Variants in USP32 observed in about 807,000 individuals in gnomAD.
The protein encoded by USP32 is ubiquitin carboxyl-terminal hydrolase 32.
USP32 carries 59 observed loss-of-function variants against 204.8 expected under a neutral mutation model. The ratio of observed to expected loss-of-function variants is 0.29; its 90% confidence interval spans 0.23 to 0.36. The LOEUF is 0.36. USP32 is among the 10% of genes least tolerant of loss of function. The pLI is 1.00. For missense variants in USP32, 1,160 were observed against 1,946.4 expected, an observed-to-expected ratio of 0.60 and a Z score of 7.60; for synonymous variants, 517 against 678.4, an observed-to-expected ratio of 0.76 and a Z score of 3.70.
At chr17:60,272,085 G>A (rs2086736744) in intron 5 of USP32, among the ~76,000 whole-genome samples, 1 of 152,136 alleles carries the variant, frequency 6.6e-6, no homozygotes, top group African/African-American at 2.4e-5. Flanking sequence ...AAAGTGTTGG[G>A]ATTATAGGTG....
chr17:60,320,639 C>A lies in USP32; in HGVS notation c.187-18935G>T, dbSNP rs559068426. Among the ~76,000 whole-genome samples, 10 of 152,238 alleles carry A rather than the reference C, an allele frequency of 6.6e-5. No homozygotes were observed. The South Asian group carries it at 1.0e-3, about 16-fold the overall frequency. On this transcript the variant is annotated intron_variant, in intron 2 of 33. Coordinates refer to ENST00000300896, the MANE Select transcript of USP32 (RefSeq NM_032582.4). ...CCTGGCCAGAAATTGATGTTTTTTT[C>A]ATCAACATTATAATGAAAAACAACA...
intron 2 of USP32, among the ~76,000 whole-genome samples, chr17:60,308,128 A>G (rs997778059): frequency 3.3e-5 from 5 of 152,214 alleles, no homozygotes; most frequent in Admixed American, 6.5e-5. Flanking sequence ...TCTTGCACTC[A>G]TTCTCCAAGC....
chr17:60,392,337 A>C, upstream of USP32: 21 of 273,856 alleles, frequency 7.7e-5, no homozygotes, highest in East Asian at 2.5e-4. Flanking sequence ...CCCCAAGCTA[A>C]CCGCGCGCAG....
At chr17:60,294,627 C>T in intron 4 of USP32, 56 bp downstream of exon 4, 1 of 1,169,426 alleles carries the variant, frequency 8.6e-7, no homozygotes, top group Non-Finnish European at 1.2e-6. Context: ...TATTACACAA[C>T]TAAGAGTTAA....
intron 1 of USP32, among the ~76,000 whole-genome samples, chr17:60,413,616 AGCACTTTGG>A (rs1277623995): frequency 2.0e-5 from 3 of 152,156 alleles, no homozygotes; most frequent in African/African-American, 7.2e-5. Flanking sequence ...CTGTAATCCC[AGCACTTTGG>A]GAGGCCAAGG....
At chr17:60,228,500 TC>T (rs373364290) in intron 12 of USP32, among the ~76,000 whole-genome samples, 16,187 of 144,826 alleles carry the variant, frequency 0.11, 1,709 homozygotes, top group African/African-American at 0.3. Context: ...TTTTTCTTTT[TC>T]TTTTTTTTTT....
chr17:60,356,840 T>C (rs1226695329), intron 1 of USP32, among the ~76,000 whole-genome samples: 2 of 152,102 alleles, frequency 1.3e-5, no homozygotes, highest in Non-Finnish European at 2.9e-5. Flanking sequence ...AGTCCAGACA[T>C]TTGATTTACT....
rs143121616 is a variant in USP32 at position 60,409,397 on chromosome 17, T to G, written c.106+12849A>C. Among the ~76,000 whole-genome samples the G allele has an allele frequency of 2.2e-4, 34 of 152,264 alleles. No individual in the cohort carries two copies. In the East Asian group the frequency reaches 6.6e-3, roughly 29 times the overall value. Reference sequence around the variant, plus strand: ...AAAAACTAGTGCCACAGTATTGGCCTCTATGCACGTCGGGCAGTGAGCCCA... The same window carrying G: ...AAAAACTAGTGCCACAGTATTGGCCGCTATGCACGTCGGGCAGTGAGCCCA... On this transcript the variant is annotated intron_variant, in intron 1 of 3. Coordinates refer to the USP32 transcript ENST00000588898.
chr17:60,222,748 C>T (rs906042850), intron 14 of USP32, among the ~76,000 whole-genome samples, 199 bp from the exon 15 acceptor site: 3 of 143,382 alleles, frequency 2.1e-5, no homozygotes, highest in African/African-American at 7.9e-5. Context: ...GTGGCGCGAT[C>T]TTCGCTTGCT....
At chr17:60,390,599 A>G (rs1271289676) in intron 1 of USP32, among the ~76,000 whole-genome samples, 1 of 152,218 alleles carries the variant, frequency 6.6e-6, no homozygotes, top group African/African-American at 2.4e-5. Flanking sequence ...CACCACCACC[A>G]ATACATCTCA....
rs767237764 is a variant in USP32, at chr17:60,321,376, C to G, written c.187-19672G>C. Among the ~76,000 whole-genome samples the G allele has an allele frequency of 2.6e-4, 39 of 152,140 alleles. 1 individual carries two copies. Among genetic ancestry groups the G allele is most frequent in the Non-Finnish European group, 8.8e-5 (6 of 68,028 alleles). The stretch of plus-strand genomic sequence containing the variant: ...ACTGGTGGGAACTGATGCCCTGAGC[C>G]CATCATTATCAAGGATCTGATAAAA... On this transcript the variant is annotated intron_variant, in intron 2 of 33. Coordinates refer to ENST00000300896, the MANE Select transcript of USP32 (RefSeq NM_032582.4).
intron 1 of USP32, among the ~76,000 whole-genome samples, chr17:60,376,607 T>C (rs1437135745): frequency 1.3e-5 from 2 of 151,866 alleles, no homozygotes; most frequent in African/African-American, 4.8e-5. Context: ...CATTGCAACC[T>C]CTGCCTCCCG....
intron 27 of USP32, among the ~76,000 whole-genome samples, chr17:60,194,707 C>T (rs1391590552): frequency 2.0e-5 from 3 of 152,198 alleles, no homozygotes; most frequent in Non-Finnish European, 2.9e-5. Context: ...TATTCTAGAC[C>T]TTGTGAATAC....
chr17:60,411,434 C>G (rs1464197379), intron 1 of USP32, among the ~76,000 whole-genome samples: 1 of 148,182 alleles, frequency 6.7e-6, no homozygotes, highest in Non-Finnish European at 1.5e-5. Context: ...ATCACTTGAG[C>G]CCAGGAGTCA....
Position 60,345,348 on chromosome 17 carries a change from A to G in USP32, c.186+133T>C, listed in dbSNP as rs547184746. 20 of 1,280,138 alleles carry G rather than the reference A, an allele frequency of 1.6e-5. No homozygotes were observed. In the South Asian group the frequency reaches 2.5e-4, roughly 16 times the overall value. The allele number at this position is 1,280,138 out of a possible 1,614,324, so 79.3% of individuals were successfully genotyped here. Reference sequence around the variant, plus strand: ...GCCACGTTGACATCTAAAACAAAACATTGTTTACCCACTCAGGAAGAAAAA... The same window carrying G: ...GCCACGTTGACATCTAAAACAAAACGTTGTTTACCCACTCAGGAAGAAAAA... On this transcript the variant is annotated intron_variant, in intron 2 of 33. Transcript: ENST00000300896.
chr17:60,181,234 G>T, intron 32 of USP32, 90 bp downstream of exon 32: 1 of 1,477,440 alleles, frequency 6.8e-7, no homozygotes, highest in Non-Finnish European at 9.2e-7. Flanking sequence ...AAATAAGCAG[G>T]ACCTGAAAAA....
chr17:60,273,091 G>A (rs943866234), intron 5 of USP32, among the ~76,000 whole-genome samples: 3 of 152,128 alleles, frequency 2.0e-5, no homozygotes, highest in Non-Finnish European at 4.4e-5. Context: ...TTGTGTTTCA[G>A]CTTCCCAAGT....
At chr17:60,266,869 T>A (rs2086605775) in intron 7 of USP32, among the ~76,000 whole-genome samples, 1 of 151,962 alleles carries the variant, frequency 6.6e-6, no homozygotes, top group Non-Finnish European at 1.5e-5. Flanking sequence ...TTAGCCAGGA[T>A]GGTCTCGATC....
intron 11 of USP32, chr17:60,249,604 T>A (rs2086116720): frequency 4.9e-6 from 3 of 608,024 alleles, no homozygotes; most frequent in South Asian, 3.9e-5. Flanking sequence ...TGAATCAGAC[T>A]GACAGCCCAT....
Sources: allele counts gnomAD v4.1 joint callset (sites outside exome capture counted in the v4.1 genomes callset), GRCh38; gene constraint gnomAD v4.1.1; transcripts MANE v1.5; gene names NCBI Gene and HGNC (gene_info 2026-07-23, HGNC 2026-07-21).